Variants in CLDN16 observed in about 807,000 individuals in gnomAD.
CLDN16 encodes the protein claudin-16.
A neutral mutation model predicts 24.6 loss-of-function variants in CLDN16; 13 were observed. The observed-to-expected ratio is 0.53, with a 90% CI of 0.34 to 0.84. CLDN16 has a LOEUF of 0.84. Ranked by LOEUF, CLDN16 falls within the 40% of genes least tolerant of loss-of-function variation. The probability of loss-of-function intolerance (pLI) is 0.01; values close to 1 mark genes in which losing one functional copy is unlikely to be tolerated. For synonymous variants in CLDN16, 116 were observed against 106.7 expected, an observed-to-expected ratio of 1.09 and a Z score of -0.54; for missense variants, 298 against 292.7, an observed-to-expected ratio of 1.02 and a Z score of -0.13.
intron 1 of CLDN16, among the ~76,000 whole-genome samples, chr3:190,362,743 A>G (rs1560087808): frequency 6.6e-6 from 1 of 152,110 alleles, no homozygotes; most frequent in South Asian, 2.1e-4. Flanking sequence ...AAATGAATCT[A>G]TTTTCAGACC....
upstream of CLDN16, among the ~76,000 whole-genome samples, chr3:190,385,525 A>G (rs143590200): frequency 1.1e-3 from 168 of 152,242 alleles, 1 homozygote; most frequent in African/African-American, 3.5e-3. Flanking sequence ...CCTATCACAT[A>G]CAATGTTCAG....
chr3:190,348,280 C>CAAAAAAAAAAAAAAAAAAAAAAAAA (rs34092127), intron 1 of CLDN16, among the ~76,000 whole-genome samples: 1 of 76,986 alleles, frequency 1.3e-5, no homozygotes, highest in Non-Finnish European at 2.2e-5. Flanking sequence ...AAGAATAAAT[C>CAAAAAAAAAAAAAAAAAAAAAAAAA]AAAAAAAAAA....
At chr3:190,338,869 G>A (rs2108628051) in intron 1 of CLDN16, among the ~76,000 whole-genome samples, 1 of 152,292 alleles carries the variant, frequency 6.6e-6, no homozygotes, top group Admixed American at 6.5e-5. Context: ...CACTTCTCCA[G>A]ATCTCCTTGA....
chr3:190,310,299 G>A, the CLDN16 span: 4 of 1,449,086 alleles, frequency 2.8e-6, no homozygotes, highest in Non-Finnish European at 3.9e-6. Flanking sequence ...ATGGAACACT[G>A]AGCCTAAATA....
In CLDN16 at chr3:190,402,575, G is replaced by A. The variant is rs1718991907; in HGVS notation, c.217+136G>A. 6 of 715,552 alleles carry A rather than the reference G, an allele frequency of 8.4e-6. No homozygotes were observed. In the Admixed American group the frequency reaches 1.0e-4, roughly 12 times the overall value. The allele number at this position is 715,552 out of a possible 1,614,324, so 44.3% of individuals were successfully genotyped here. A position where few individuals can be genotyped will look rare whatever the true frequency, so the allele number is the denominator to read the frequency against. ...CCAGTTTGTAATGGTTAGAAATTGA[G>A]CTCATCTCGGAAATGTGAATTGAAA... On this transcript the variant is annotated intron_variant, in intron 2 of 4. Coordinates refer to ENST00000264734, the MANE Select transcript of CLDN16 (RefSeq NM_006580.4).
chr3:190,388,659 A>G (rs1225771741), intron 1 of CLDN16, among the ~76,000 whole-genome samples: 2 of 152,204 alleles, frequency 1.3e-5, no homozygotes, highest in Non-Finnish European at 2.9e-5. Context: ...AGATGAAGTT[A>G]CTAAATAGTT....
At chr3:190,373,017 G>C (rs1288354237) in intron 2 of CLDN16, among the ~76,000 whole-genome samples, 1 of 151,690 alleles carries the variant, frequency 6.6e-6, no homozygotes, top group Non-Finnish European at 1.5e-5. Context: ...CTCTTCAAAG[G>C]GCAGCCCCTT....
At chr3:190,308,756 TC>T in the CLDN16 span, among the ~76,000 whole-genome samples, 1 of 152,184 alleles carries the variant, frequency 6.6e-6, no homozygotes, top group Non-Finnish European at 1.5e-5. Context: ...AGGGTTTGGA[TC>T]ATGGTTCCTA....
chr3:190,358,668 A>T (rs1183775152), intron 1 of CLDN16, among the ~76,000 whole-genome samples: 1 of 136,050 alleles, frequency 7.4e-6, no homozygotes, highest in Non-Finnish European at 1.7e-5. Context: ...TGCAAAATTA[A>T]AAAAAACAAC....
intron 1 of CLDN16, among the ~76,000 whole-genome samples, chr3:190,324,505 T>C (rs1036839314): frequency 2.0e-5 from 3 of 152,106 alleles, no homozygotes; most frequent in Admixed American, 6.5e-5. Flanking sequence ...AATAAATAAA[T>C]AAACAAATAA....
the CLDN16 span, among the ~76,000 whole-genome samples, chr3:190,297,463 AAT>A: frequency 8.1e-5 from 7 of 86,792 alleles, 1 homozygote; most frequent in East Asian, 1.2e-3. Context: ...GTATCATATT[AAT>A]TGTTATATTA....
the CLDN16 span, among the ~76,000 whole-genome samples, chr3:190,301,108 T>C: frequency 6.6e-6 from 1 of 152,200 alleles, no homozygotes; most frequent in African/African-American, 2.4e-5. Flanking sequence ...TCTCTTTTCT[T>C]GAAATCCTTT....
Position 190,378,853 on chromosome 3 carries a change from G to A in CLDN16, n.306+4250G>A, listed in dbSNP as rs79440814. The stretch of plus-strand genomic sequence containing the variant: ...TGCCACTTTCTAGCTGTGTCAGGTT[G>A]AATAAGTCACTTAATATATAGTCCT... On this transcript the variant is annotated intron_variant and non_coding_transcript_variant, in intron 3 of 4. Transcript: ENST00000468220. Among the ~76,000 whole-genome samples, 1,355 of 152,042 alleles carry A rather than the reference G, an allele frequency of 8.9e-3. 11 individuals are homozygous for A. The highest frequency in any genetic ancestry group is 0.015 in the East Asian group (78 of 5,142).
Position 190,404,877 on chromosome 3 carries a change from C to CATTA in CLDN16, c.335_338dup (p.Lys113AsnfsTer2), listed in dbSNP as rs1253995767. On this transcript the variant is annotated frameshift_variant, in exon 3 of 5. Transcript: ENST00000264734. LOFTEE classifies it high-confidence loss of function. ...TGAAATTCCTCCCTGATGAGCCGTA[C>CATTA]ATTAAAGTCCGCATCTGCTTTGTTG... 3.7e-6 allele frequency: 6 copies of CATTA among 1,614,000 alleles called. No individual in the cohort carries two copies. In the African/African-American group the frequency reaches 8.0e-5, roughly 22 times the overall value.
chr3:190,380,570 G>T (rs1056883021), intron 3 of CLDN16, among the ~76,000 whole-genome samples: 5 of 151,960 alleles, frequency 3.3e-5, no homozygotes, highest in African/African-American at 1.2e-4. Context: ...TGACCAATGA[G>T]ATCTAATTAA....
At chr3:190,377,117 T>C (rs1477156501) in intron 3 of CLDN16, among the ~76,000 whole-genome samples, 1 of 151,912 alleles carries the variant, frequency 6.6e-6, no homozygotes, top group Non-Finnish European at 1.5e-5. Flanking sequence ...AGGAACTGTA[T>C]GCATTTCAGA....
chr3:190,308,294 C>T, the CLDN16 span: 55 of 1,613,656 alleles, frequency 3.4e-5, no homozygotes, highest in Non-Finnish European at 3.8e-5. Context: ...TAGTCTTTCC[C>T]GCTGGAAGGT....
At position 190,408,426 on chromosome 3, in the gene CLDN16, C is replaced by T; in HGVS notation, c.495C>T (p.Ser165=). 1.2e-6 allele frequency: 2 copies of T among 1,613,996 alleles called. No homozygotes were observed. Among genetic ancestry groups the T allele is most frequent in the Non-Finnish European group, 1.7e-6 (2 of 1,179,998 alleles). The part of the protein sequence containing the change: ...FLGIQYKFGW[S]CWLGMAGSLG... ...GTATCCAATATAAATTTGGTTGGTC[C>T]TGTTGGCTCGGAATGGCTGGGTCTC... is the stretch of plus-strand genomic sequence containing the variant. The change falls in exon 4 of 5, where the codon TCC becomes TCT. Residue 165 remains serine (S), a synonymous_variant. Transcript: ENST00000264734.
chr3:190,291,368 A>C, the CLDN16 span, among the ~76,000 whole-genome samples: 1 of 152,170 alleles, frequency 6.6e-6, no homozygotes, highest in Non-Finnish European at 1.5e-5. Context: ...GGAAACTTAC[A>C]ATCATGGTGG....
Sources: gnomAD v4.1 joint callset for allele counts (sites outside exome capture counted in the v4.1 genomes callset) on GRCh38, gnomAD v4.1.1 for gene constraint, MANE v1.5 for transcripts, NCBI Gene and HGNC (gene_info 2026-07-23, HGNC 2026-07-21) for gene names.